The following TUB variants were observed in gnomAD, a reference collection of about 807,000 sequenced individuals.
TUB encodes the protein TUB bipartite transcription factor.
TUB carries 33 observed loss-of-function variants against 59.7 expected under a neutral mutation model. That is an observed-to-expected ratio of 0.55 (90% CI 0.42 to 0.74). TUB has a LOEUF of 0.74. TUB is among the 30% of genes least tolerant of loss of function. The pLI is 0.00. For missense variants in TUB, 659 were observed against 672.0 expected, an observed-to-expected ratio of 0.98 and a Z score of 0.21; for synonymous variants, 293 against 256.4, an observed-to-expected ratio of 1.14 and a Z score of -1.36.
chr11:8,035,734 T>G (rs1230473653), upstream of TUB: 1 of 152,260 alleles, frequency 6.6e-6, no homozygotes, highest in Non-Finnish European at 1.5e-5. Flanking sequence ...GCTGGATGAG[T>G]GCAAGCAGGC....
exon 1 of TUB, chr11:8,019,317 C>T: frequency 7.8e-7 from 1 of 1,279,620 alleles, no homozygotes; most frequent in Non-Finnish European, 9.9e-7. Context: ...AGGGAGTCAG[C>T]AGCCACCGGA....
chr11:8,020,932 G>A (rs1232029550), intron 1 of TUB, among the ~76,000 whole-genome samples: 1 of 152,202 alleles, frequency 6.6e-6, no homozygotes, highest in East Asian at 1.9e-4. Context: ...TCCTCCGGGA[G>A]ATGAGCTCAC....
intron 3 of TUB, among the ~76,000 whole-genome samples, chr11:8,090,692 C>A (rs943429245): frequency 6.6e-6 from 1 of 152,168 alleles, no homozygotes; most frequent in African/African-American, 2.4e-5. Flanking sequence ...CTTGCAGATC[C>A]CTCTCTCTGG....
exon 1 of TUB, chr11:8,038,973 C>T: frequency 1.2e-6 from 2 of 1,614,074 alleles, no homozygotes; most frequent in Non-Finnish European, 1.7e-6. Flanking sequence ...GGGATCTCAG[C>T]ATTCAAAGCA....
chr11:8,081,622 G>A, intron 1 of TUB, 74 bp downstream of exon 1: 1 of 1,415,880 alleles, frequency 7.1e-7, no homozygotes. Context: ...ACGCGGCCGG[G>A]GCGCAGGGCA....
chr11:8,104,631 C>G lies in TUB; in HGVS notation c.*3012C>G, dbSNP rs1348935789. On this transcript the variant is annotated 3_prime_UTR_variant, in exon 12 of 12. Coordinates refer to ENST00000299506, the MANE Select transcript of TUB (RefSeq NM_177972.3). ...ACCTGGGAAGATACCAGCTTTTTCT[C>G]TCAGGGTTCTGAGTCAGAGGACACC... The G allele has an allele frequency of 2.0e-5, 3 of 152,184 alleles. No homozygotes were observed. The highest frequency in any genetic ancestry group is 4.4e-5 in the Non-Finnish European group (3 of 68,002). The allele number at this position is 152,184 out of a possible 1,614,324, so 9.4% of individuals were successfully genotyped here.
chr11:8,097,553 T>C, intron 7 of TUB, 128 bp downstream of exon 7: 5 of 1,393,810 alleles, frequency 3.6e-6, no homozygotes, highest in South Asian at 1.3e-5. Flanking sequence ...TGCCTTCGTG[T>C]CTGGTCTGTG....
At position 8,101,031 on chromosome 11, in the gene TUB, T is replaced by C. The variant is rs111553959; in HGVS notation, c.1387+34T>C. 53 of 1,612,880 alleles carry C rather than the reference T, an allele frequency of 3.3e-5. No homozygotes were observed. In the African/African-American group the frequency reaches 5.1e-4, roughly 15 times the overall value. ...TTCTGTCCCTACTCATTATGGTCCG[T>C]AGGATACCCAAGGCCCTTAGCGTAG... On this transcript the variant is annotated intron_variant, in intron 11 of 11. Coordinates refer to ENST00000299506, the MANE Select transcript of TUB (RefSeq NM_177972.3).
chr11:8,050,409 A>G (rs568004869), intron 2 of TUB, among the ~76,000 whole-genome samples: 2 of 152,332 alleles, frequency 1.3e-5, no homozygotes, highest in East Asian at 3.9e-4. Flanking sequence ...GTTTTCCAGA[A>G]TTGTTGTACC....
At chr11:8,019,905 G>A (rs1942395477) in intron 1 of TUB, among the ~76,000 whole-genome samples, 1 of 152,174 alleles carries the variant, frequency 6.6e-6, no homozygotes, top group African/African-American at 2.4e-5. Flanking sequence ...CCGGCTGTCT[G>A]GGCGCAGGAG....
At chr11:8,071,802 C>A (rs879434833) in intron 2 of TUB, among the ~76,000 whole-genome samples, 2 of 152,214 alleles carry the variant, frequency 1.3e-5, no homozygotes, top group African/African-American at 4.8e-5. Flanking sequence ...GCTAGAGGAA[C>A]ACACAGTGGC....
At chr11:8,101,259 C>A (rs545636134) in intron 11 of TUB, among the ~76,000 whole-genome samples, 1 of 152,350 alleles carries the variant, frequency 6.6e-6, no homozygotes, top group South Asian at 2.1e-4. Context: ...TTCCTCTTTT[C>A]TGTCCCCTGG....
intron 3 of TUB, 59 bp from the exon 4 acceptor site, chr11:8,093,987 G>T (rs1010309518): frequency 1.2e-6 from 2 of 1,605,736 alleles, no homozygotes; most frequent in Non-Finnish European, 8.5e-7. Context: ...TCAGGTGGGA[G>T]CTCTGGTCTC....
At position 8,104,115 on chromosome 11, in the gene TUB, T is replaced by C. The variant is rs749929144; in HGVS notation, c.*2496T>C. The stretch of plus-strand genomic sequence containing the variant: ...CCATGGGTGCATGGACTCGTAAAGC[T>C]GCTAGGGCCCCTAGAAACCACCTGG... On this transcript the variant is annotated 3_prime_UTR_variant, in exon 12 of 12. Transcript: ENST00000299506. The C allele has an allele frequency of 6.6e-6, 1 of 152,292 alleles. No homozygotes were observed. Among genetic ancestry groups the C allele is most frequent in the Non-Finnish European group, 1.5e-5 (1 of 68,088 alleles). The allele number at this position is 152,292 out of a possible 1,614,324, so 9.4% of individuals were successfully genotyped here.
Position 8,101,646 on chromosome 11 carries a change from C to T in TUB, c.*27C>T. ...GGCCTCTTCGTGCCCTTTGGGGTTG[C>T]CCAGCCTGGAGCGGAGCTTGCCTGC... On this transcript the variant is annotated 3_prime_UTR_variant, in exon 12 of 12. Transcript: ENST00000299506. The T allele has an allele frequency of 1.9e-6, 3 of 1,612,856 alleles. No individual in the cohort carries two copies. Among genetic ancestry groups the T allele is most frequent in the Non-Finnish European group, 2.5e-6 (3 of 1,179,462 alleles).
intron 2 of TUB, among the ~76,000 whole-genome samples, chr11:8,041,578 C>G (rs923100934): frequency 6.6e-6 from 1 of 152,158 alleles, no homozygotes; most frequent in African/African-American, 2.4e-5. Flanking sequence ...TGAAACTGTT[C>G]CACCTGTGAA....
chr11:8,031,016 C>T (rs546869658), intron 1 of TUB, among the ~76,000 whole-genome samples: 1 of 152,194 alleles, frequency 6.6e-6, no homozygotes, highest in African/African-American at 2.4e-5. Flanking sequence ...AGTGTTCAGA[C>T]AACAGAGGCA....
At chr11:8,046,138 C>A (rs1354994372) in intron 2 of TUB, among the ~76,000 whole-genome samples, 1 of 152,192 alleles carries the variant, frequency 6.6e-6, no homozygotes, top group Non-Finnish European at 1.5e-5. Context: ...CACTCTCTAG[C>A]TCTTCCTTCT....
intron 9 of TUB, among the ~76,000 whole-genome samples, chr11:8,100,205 T>C (rs1233858923): frequency 6.6e-6 from 1 of 152,114 alleles, no homozygotes; most frequent in East Asian, 1.9e-4. Context: ...AAACTGCTGA[T>C]GGATTAGACG....
Sources: gnomAD v4.1 joint callset for allele counts (sites outside exome capture counted in the v4.1 genomes callset) on GRCh38, gnomAD v4.1.1 for gene constraint, MANE v1.5 for transcripts, NCBI Gene and HGNC (gene_info 2026-07-23, HGNC 2026-07-21) for gene names.